The following OPA3 variants were observed in gnomAD, a reference collection of about 807,000 sequenced individuals.
OPA3 encodes outer mitochondrial membrane lipid metabolism regulator OPA3, also known as optic atrophy 3 protein.
Under a neutral mutation model 4.0 loss-of-function variants are expected in OPA3, and 6 were observed. That is an observed-to-expected ratio of 1.51 (90% CI 0.83 to 2.99). OPA3 has a LOEUF of 2.99. Among genes scored for constraint, OPA3 ranks in the 30% most tolerant of loss-of-function variants. OPA3 has a pLI of 0.00. For synonymous variants in OPA3, 105 were observed against 117.1 expected (o/e 0.90, Z 0.67); for missense variants, 235 against 256.2 (o/e 0.92, Z 0.56).
intron 1 of OPA3, among the ~76,000 whole-genome samples, chr19:45,570,707 A>T (rs990550856): frequency 2.0e-5 from 3 of 150,744 alleles, no homozygotes; most frequent in African/African-American, 4.9e-5. Flanking sequence ...ACAAAAACAA[A>T]ACAAAATTAG....
At chr19:45,542,498 T>C (rs1969196366), downstream of OPA3, among the ~76,000 whole-genome samples, 1 of 152,150 alleles carries the variant, frequency 6.6e-6, no homozygotes, top group Non-Finnish European at 1.5e-5. Flanking sequence ...TACTGAAAAT[T>C]GCAGGAGTTG....
At position 45,553,034 on chromosome 19, in the gene OPA3, G is replaced by A. The variant is rs1969359513; in HGVS notation, c.*480C>T. 9.8e-7 allele frequency: 1 copy of A among 1,025,050 alleles called. No homozygotes were observed. The highest frequency in any genetic ancestry group is 1.2e-6 in the Non-Finnish European group (1 of 853,906). 63.5% of individuals were successfully genotyped at this position (1,025,050 alleles called of 1,614,324 possible). A position where few individuals can be genotyped will look rare whatever the true frequency, so the allele number is the denominator to read the frequency against. On this transcript the variant is annotated 3_prime_UTR_variant, in exon 2 of 2. Coordinates refer to ENST00000263275, the MANE Select transcript of OPA3 (RefSeq NM_025136.4). ...TGCTCAGCTAGAGCTGACCTTAGAAGGTGAGGGGGAGAAAAGGCCACTGCA... is the reference window on the plus strand; with the variant it reads ...TGCTCAGCTAGAGCTGACCTTAGAAAGTGAGGGGGAGAAAAGGCCACTGCA...
At position 45,553,649 on chromosome 19, in the gene OPA3, C is replaced by A. The variant is rs750848548; in HGVS notation, c.405G>T (p.Ala135=). ...EVGHLALALE[A]LQAQVQAAPP... The stretch of plus-strand genomic sequence containing the variant: ...GCGCCGCCTGCACCTGCGCCTGCAG[C>A]GCTTCCAGCGCCAGCGCCAGGTGGC... Residue 135 remains alanine, a synonymous_variant, in exon 2 of 2, where the codon GCG becomes GCT. Transcript: ENST00000263275. 3 of 1,605,170 alleles carry A rather than the reference C, an allele frequency of 1.9e-6. No homozygotes were observed. Among genetic ancestry groups the A allele is most frequent in the African/African-American group, 1.3e-5 (1 of 74,984 alleles).
At chr19:45,533,407 A>G (rs1009832655) in intron 1 of OPA3, among the ~76,000 whole-genome samples, 11 of 151,548 alleles carry the variant, frequency 7.3e-5, no homozygotes, top group Non-Finnish European at 8.8e-5. Context: ...AGTTAGCCAG[A>G]ATGGTCTCGA....
At chr19:45,566,420 G>A (rs983454894) in intron 1 of OPA3, among the ~76,000 whole-genome samples, 5 of 149,498 alleles carry the variant, frequency 3.3e-5, no homozygotes, top group South Asian at 2.1e-4. Context: ...CAATGAGCTG[G>A]GATTACAGGA....
Position 45,548,743 on chromosome 19 carries a change from G to A in OPA3, c.*4771C>T, listed in dbSNP as rs972332094. On this transcript the variant is annotated 3_prime_UTR_variant, in exon 2 of 2. Coordinates refer to ENST00000263275, the MANE Select transcript of OPA3 (RefSeq NM_025136.4). ...GCGGGACCACCTCAGTGAGTTTTTT[G>A]AGTGAAAGAATAAATAAAGGATATT... The A allele has an allele frequency of 1.6e-5, 16 of 980,442 alleles. No individual in the cohort carries two copies. The East Asian group carries it at 3.4e-4, about 21-fold the overall frequency. 60.7% of individuals were successfully genotyped at this position (980,442 alleles called of 1,614,324 possible).
chr19:45,564,001 T>G (rs2091679050), intron 1 of OPA3, among the ~76,000 whole-genome samples: 1 of 151,854 alleles, frequency 6.6e-6, no homozygotes, highest in South Asian at 2.1e-4. Flanking sequence ...AAACAGATAA[T>G]TAAAACTTTT....
Position 45,551,792 on chromosome 19 carries a change from G to C in OPA3, c.*1722C>G, listed in dbSNP as rs1020287289. On this transcript the variant is annotated 3_prime_UTR_variant, in exon 2 of 2. Coordinates refer to ENST00000263275, the MANE Select transcript of OPA3 (RefSeq NM_025136.4). ...TACTGCTACATGAAGACAGGCTGTC[G>C]GGTCAGTCCAGAGCTCCGAGGAAAG... 1.0e-6 allele frequency: 1 copy of C among 985,336 alleles called. No homozygotes were observed. The highest frequency in any genetic ancestry group is 1.7e-5 in the African/African-American group (1 of 57,216). 61.0% of individuals were successfully genotyped at this position (985,336 alleles called of 1,614,324 possible).
At chr19:45,584,225 T>G (rs1374276870) in intron 1 of OPA3, 3 of 509,916 alleles carry the variant, frequency 5.9e-6, no homozygotes, top group Non-Finnish European at 7.6e-6. Context: ...CGGTGCCGCT[T>G]TTGAAATGAA....
intron 1 of OPA3, among the ~76,000 whole-genome samples, chr19:45,557,360 T>G (rs1969437091): frequency 6.6e-6 from 1 of 152,020 alleles, no homozygotes; most frequent in Non-Finnish European, 1.5e-5. Flanking sequence ...GATGTGGGGT[T>G]CAGGAAACAA....
At chr19:45,544,031 G>A (rs1335311211), downstream of OPA3, among the ~76,000 whole-genome samples, 2 of 152,262 alleles carry the variant, frequency 1.3e-5, no homozygotes, top group East Asian at 3.9e-4. Flanking sequence ...TGTTTTGCAT[G>A]TATTAATTGA....
rs374292097 is a variant in OPA3, at chr19:45,551,846, C to G, written c.*1668G>C. 17 of 985,502 alleles carry G rather than the reference C, an allele frequency of 1.7e-5. No individual in the cohort carries two copies. Among genetic ancestry groups the G allele is most frequent in the Non-Finnish European group, 2.0e-5 (17 of 830,018 alleles). 61.0% of individuals were successfully genotyped at this position (985,502 alleles called of 1,614,324 possible). On this transcript the variant is annotated 3_prime_UTR_variant, in exon 2 of 2. Transcript: ENST00000263275. The stretch of plus-strand genomic sequence containing the variant: ...GCAAGAGCACACAGATTAGGAGACA[C>G]GGATGGAAGATGAAGGATGTGACAA...
chr19:45,571,154 A>AT (rs1391022209), intron 1 of OPA3, among the ~76,000 whole-genome samples: 1 of 151,136 alleles, frequency 6.6e-6, no homozygotes, highest in African/African-American at 2.4e-5. Context: ...ATTTTATTTT[A>AT]TTTTTTTGAG....
intron 1 of OPA3, among the ~76,000 whole-genome samples, chr19:45,534,949 G>A (rs1969100538): frequency 6.6e-6 from 1 of 152,052 alleles, no homozygotes; most frequent in African/African-American, 2.4e-5. Flanking sequence ...TTTTTCTTAA[G>A]TTGGTAAATA....
rs1969313459 is a variant in OPA3, at chr19:45,550,305, C to T, written c.*3209G>A. 1.4e-5 allele frequency: 14 copies of T among 985,402 alleles called. No homozygotes were observed. In the South Asian group the frequency reaches 2.3e-4, roughly 17 times the overall value. 61.0% of individuals were successfully genotyped at this position (985,402 alleles called of 1,614,324 possible). On this transcript the variant is annotated 3_prime_UTR_variant, in exon 2 of 2. Coordinates refer to ENST00000263275, the MANE Select transcript of OPA3 (RefSeq NM_025136.4). ...AGGATGGAAGTCGGGGAAAGCCCGGCCCTCCCACTTTCACCTGCAGCTTCC... is the reference window on the plus strand; with the variant it reads ...AGGATGGAAGTCGGGGAAAGCCCGGTCCTCCCACTTTCACCTGCAGCTTCC...
At chr19:45,537,916 T>A (rs1036740465) in intron 1 of OPA3, among the ~76,000 whole-genome samples, 10 of 152,060 alleles carry the variant, frequency 6.6e-5, no homozygotes, top group Non-Finnish European at 1.5e-4. Context: ...GTCTGCAATA[T>A]TTCATAATAT....
chr19:45,545,300 G>A (rs1302435037), downstream of OPA3, among the ~76,000 whole-genome samples: 2 of 151,934 alleles, frequency 1.3e-5, no homozygotes, highest in East Asian at 1.9e-4. Context: ...GAGCTGAGGC[G>A]AGTGGATGGC....
chr19:45,572,200 G>GATAT (rs985190958), intron 1 of OPA3, among the ~76,000 whole-genome samples: 7 of 138,668 alleles, frequency 5.0e-5, no homozygotes, highest in African/African-American at 1.8e-4. Context: ...ATATATATGA[G>GATAT]ATATATATAT....
chr19:45,582,366 G>C (rs1969869122), intron 1 of OPA3, among the ~76,000 whole-genome samples: 1 of 151,924 alleles, frequency 6.6e-6, no homozygotes, highest in African/African-American at 2.4e-5. Context: ...GACCATGCTG[G>C]CCAGGCTGGT....
Sources: gnomAD v4.1 joint callset for allele counts (sites outside exome capture counted in the v4.1 genomes callset) on GRCh38, gnomAD v4.1.1 for gene constraint, MANE v1.5 for transcripts, NCBI Gene and HGNC (gene_info 2026-07-23, HGNC 2026-07-21) for gene names.